The following EFR3B variants were observed in gnomAD, a reference collection of about 807,000 sequenced individuals.
EFR3B encodes the protein EFR3 homolog B.
EFR3B carries 64 observed loss-of-function variants against 104.7 expected under a neutral mutation model. The ratio of observed to expected loss-of-function variants is 0.61; its 90% CI spans 0.50 to 0.75. EFR3B has a LOEUF of 0.75. Among genes scored for constraint, EFR3B ranks in the 30% least tolerant of loss-of-function variants. The pLI, the probability that EFR3B is intolerant of heterozygous loss-of-function variation, is 0.00. For synonymous variants in EFR3B, 385 were observed against 417.9 expected (o/e 0.92, Z 0.96); for missense variants, 750 against 1,078.5 (o/e 0.70, Z 4.27).
At chr2:25,148,356 C>CA (rs1056520560) in intron 19 of EFR3B, among the ~76,000 whole-genome samples, 6 of 151,692 alleles carry the variant, frequency 4.0e-5, no homozygotes, top group African/African-American at 1.5e-4. Flanking sequence ...CGGTTTCAAG[C>CA]AATTCTCTTG....
intron 2 of EFR3B, among the ~76,000 whole-genome samples, chr2:25,092,424 T>A (rs77401306): frequency 1.9e-5 from 1 of 52,492 alleles, no homozygotes; most frequent in African/African-American, 1.0e-4. Context: ...ACACACACAC[T>A]TACACACACA....
chr2:25,153,639 A>G, intron 21 of EFR3B, 73 bp from the exon 22 acceptor site: 1 of 1,488,336 alleles, frequency 6.7e-7, no homozygotes, highest in South Asian at 1.2e-5. Flanking sequence ...TATACTCTGG[A>G]CACCCTGAGC....
chr2:25,070,115 G>T (rs7605266), intron 1 of EFR3B, among the ~76,000 whole-genome samples: 3,019 of 152,298 alleles, frequency 0.02, 92 homozygotes, highest in African/African-American at 0.069. Flanking sequence ...ACACTGGTGG[G>T]TGTGGCTTAT....
At position 25,059,578 on chromosome 2, in the gene EFR3B, G is replaced by C. The variant is rs112531455; in HGVS notation, c.7+17259G>C. Reference sequence around the variant, plus strand: ...TAGAGGTTACCAGGGACTGCGGGGGGGGGGGGGGTGGAGATTGGGGAATTG... The same window carrying C: ...TAGAGGTTACCAGGGACTGCGGGGGCGGGGGGGGTGGAGATTGGGGAATTG... On this transcript the variant is annotated intron_variant, in intron 1 of 22. Transcript: ENST00000403714. Among the ~76,000 whole-genome samples the C allele has an allele frequency of 2.1e-3, 242 of 114,844 alleles. 18 individuals carry two copies. Among genetic ancestry groups the C allele is most frequent in the African/African-American group, 6.2e-3 (209 of 33,878 alleles). 75.3% of individuals were successfully genotyped at this position (114,844 alleles called of 152,430 possible).
intron 1 of EFR3B, among the ~76,000 whole-genome samples, chr2:25,043,783 C>G (rs1442951263): frequency 6.6e-6 from 1 of 152,036 alleles, no homozygotes; most frequent in East Asian, 1.9e-4. Context: ...TCTGTTTTCC[C>G]CCTCTTCTTT....
At chr2:25,104,823 G>C (rs1669520868) in intron 4 of EFR3B, among the ~76,000 whole-genome samples, 1 of 152,198 alleles carries the variant, frequency 6.6e-6, no homozygotes, top group African/African-American at 2.4e-5. Context: ...GGTTCAGCTT[G>C]GTCTCTGTTA....
rs1669816611 is a variant in EFR3B at position 25,114,865 on chromosome 2, C to T, written c.364-6808C>T. On this transcript the variant is annotated intron_variant, in intron 4 of 22. Coordinates refer to ENST00000403714, the MANE Select transcript of EFR3B (RefSeq NM_014971.2). This position sits in a 1 kb window ranked among gnomAD's most constrained non-coding sequence, Gnocchi z 4.0. ...CATGCGACCTGTAGATCCCCTGCCC[C>T]AGAGTAGGGGGAGCGGGCACTTAAG... 6.6e-6 allele frequency among the ~76,000 whole-genome samples: 1 copy of T among 152,194 alleles called. No individual in the cohort carries two copies. Among genetic ancestry groups the T allele is most frequent in the African/African-American group, 2.4e-5 (1 of 41,444 alleles).
chr2:25,042,320 G>A lies in EFR3B; in HGVS notation c.7+1G>A. 1 of 1,273,948 alleles carries A rather than the reference G, an allele frequency of 7.8e-7. No homozygotes were observed. Among genetic ancestry groups the A allele is most frequent in the Non-Finnish European group, 9.9e-7 (1 of 1,009,318 alleles). 78.9% of individuals were successfully genotyped at this position (1,273,948 alleles called of 1,614,324 possible). ...GGCGCGCGCCCCGCCGAGATGTACG[G>A]TAAGGAGGGCTCCGCGCCCGGGCCC... is the stretch of plus-strand genomic sequence containing the variant. On this transcript the variant is annotated splice_donor_variant, in intron 1 of 22. Transcript: ENST00000403714. LOFTEE classifies it high-confidence loss of function. This position sits in a 1 kb window ranked among gnomAD's most constrained non-coding sequence, Gnocchi z 5.4.
At chr2:25,125,057 C>T (rs1307835723) in intron 5 of EFR3B, among the ~76,000 whole-genome samples, 1 of 152,020 alleles carries the variant, frequency 6.6e-6, no homozygotes, top group Non-Finnish European at 1.5e-5. Context: ...GACTCCGTGT[C>T]GAAAAATAAA....
Position 25,091,246 on chromosome 2 carries a change from G to C in EFR3B, c.8-79G>C, listed in dbSNP as rs567110548. 8 of 1,379,860 alleles carry C rather than the reference G, an allele frequency of 5.8e-6. No homozygotes were observed. The Admixed American group carries it at 1.8e-4, about 31-fold the overall frequency. 85.5% of individuals were successfully genotyped at this position (1,379,860 alleles called of 1,614,324 possible). On this transcript the variant is annotated intron_variant, in intron 1 of 22. Transcript: ENST00000403714. ...CCTGTCTGTTTCCTGCCACTCACAG[G>C]CTGCCCTGGCCCTGGCTCCAACCTT... is the stretch of plus-strand genomic sequence containing the variant.
At chr2:25,118,901 C>T (rs1322489795) in intron 4 of EFR3B, among the ~76,000 whole-genome samples, 7 of 152,024 alleles carry the variant, frequency 4.6e-5, no homozygotes, top group African/African-American at 1.2e-4. Context: ...AGCCAGGCAT[C>T]GTGGCTGTAG....
chr2:25,111,499 G>A (rs1055560250), intron 4 of EFR3B, among the ~76,000 whole-genome samples: 3 of 152,150 alleles, frequency 2.0e-5, no homozygotes, highest in Admixed American at 1.3e-4. Flanking sequence ...GCCCTGCTTA[G>A]TTTCTGTGGT....
In EFR3B at chr2:25,048,302, C is replaced by T. The variant is rs148160600; in HGVS notation, c.7+5983C>T. 1.7e-3 allele frequency among the ~76,000 whole-genome samples: 263 copies of T among 152,318 alleles called. 3 individuals are homozygous for T. Among genetic ancestry groups the T allele is most frequent in the African/African-American group, 5.7e-3 (236 of 41,572 alleles). On this transcript the variant is annotated intron_variant, in intron 1 of 22. Coordinates refer to ENST00000403714, the MANE Select transcript of EFR3B (RefSeq NM_014971.2). Reference sequence around the variant, plus strand: ...GTGCTGGGATTACAGGCATGAACTACCACAGCTGGCCTGGAATCATTCATT... The same window carrying T: ...GTGCTGGGATTACAGGCATGAACTATCACAGCTGGCCTGGAATCATTCATT...
chr2:25,087,839 C>T (rs555786131), intron 1 of EFR3B, among the ~76,000 whole-genome samples: 207 of 148,462 alleles, frequency 1.4e-3, no homozygotes, highest in African/African-American at 5.3e-3. Flanking sequence ...GGATTGTGCC[C>T]TTGGTTTTTT....
chr2:25,070,721 C>T (rs985227391), intron 1 of EFR3B, among the ~76,000 whole-genome samples: 1 of 152,058 alleles, frequency 6.6e-6, no homozygotes, highest in East Asian at 1.9e-4. Flanking sequence ...GGGCCACTGT[C>T]AATGAAGAGC....
intron 1 of EFR3B, among the ~76,000 whole-genome samples, chr2:25,050,119 A>C (rs1442824300): frequency 6.6e-6 from 1 of 151,734 alleles, no homozygotes; most frequent in African/African-American, 2.4e-5. Flanking sequence ...AACAAGAGTG[A>C]AACTCCATCT....
At chr2:25,080,243 C>G (rs1396238321) in intron 1 of EFR3B, 15 of 1,543,716 alleles carry the variant, frequency 9.7e-6, no homozygotes, top group Middle Eastern at 3.6e-4. Flanking sequence ...GTAGCACCAC[C>G]ACCAACATCA....
intron 1 of EFR3B, among the ~76,000 whole-genome samples, chr2:25,049,215 A>G (rs1573160223): frequency 1.3e-5 from 2 of 152,246 alleles, no homozygotes; most frequent in South Asian, 2.1e-4. Context: ...TAGAAAATGT[A>G]TATCACTTTA....
intron 1 of EFR3B, among the ~76,000 whole-genome samples, chr2:25,089,048 G>A (rs181003089): frequency 2.6e-5 from 4 of 152,292 alleles, no homozygotes; most frequent in Non-Finnish European, 5.9e-5. Flanking sequence ...CTTCCCTGGA[G>A]GGCCTGTGGA....
Sources: gnomAD v4.1 joint callset for allele counts (sites outside exome capture counted in the v4.1 genomes callset) on GRCh38, gnomAD v4.1.1 for gene constraint, Gnocchi (gnomAD v3.1) non-coding constraint, MANE v1.5 for transcripts, NCBI Gene and HGNC (gene_info 2026-07-23, HGNC 2026-07-21) for gene names.